DAPK1: variants seen among roughly 807,000 people sequenced by gnomAD.
DAPK1 encodes death-associated protein kinase 1.
In DAPK1, 56 loss-of-function variants were observed where a neutral mutation model predicts 144.9. The observed-to-expected ratio is 0.39, with a 90% CI of 0.31 to 0.48. The LOEUF is 0.48. DAPK1 is among the 20% of genes least tolerant of loss of function. The pLI is 0.95. For missense variants in DAPK1, 1,454 were observed against 1,875.4 expected (o/e 0.78, Z 4.15); for synonymous variants, 690 against 749.0 (o/e 0.92, Z 1.29).
At chr9:87,650,812 G>A (rs1407017888) in intron 16 of DAPK1, among the ~76,000 whole-genome samples, 1 of 152,158 alleles carries the variant, frequency 6.6e-6, no homozygotes, top group African/African-American at 2.4e-5. Context: ...CTGGCATCTC[G>A]TCGATCCCAG....
intron 25 of DAPK1, 139 bp from the exon 26 acceptor site, chr9:87,705,993 C>T (rs2378755): frequency 0.11 from 65,502 of 602,654 alleles, 6,822 homozygotes; most frequent in African/African-American, 0.41. Context: ...GACGCATCCA[C>T]GTGGAATGGC....
intron 3 of DAPK1, among the ~76,000 whole-genome samples, chr9:87,629,634 C>T (rs548216293): frequency 2.0e-4 from 30 of 152,086 alleles, no homozygotes; most frequent in Non-Finnish European, 3.1e-4. Context: ...CTTGGCCTCC[C>T]GAAGTGTTGG....
intron 2 of DAPK1, among the ~76,000 whole-genome samples, chr9:87,540,531 T>C (rs1405334496): frequency 6.6e-6 from 1 of 152,140 alleles, no homozygotes; most frequent in Non-Finnish European, 1.5e-5. Context: ...TAAATTAAAC[T>C]TCATCACAGG....
At chr9:87,645,366 C>T (rs1449516480) in intron 11 of DAPK1, among the ~76,000 whole-genome samples, 4 of 152,098 alleles carry the variant, frequency 2.6e-5, no homozygotes, top group Non-Finnish European at 5.9e-5. Context: ...TTGGGACCAG[C>T]TTTCAGAGAT....
chr9:87,513,758 G>A (rs1050012355), intron 2 of DAPK1, among the ~76,000 whole-genome samples: 8 of 152,172 alleles, frequency 5.3e-5, no homozygotes, highest in Non-Finnish European at 7.3e-5. Flanking sequence ...CACTGTCTTG[G>A]AAGGGAAGTT....
At chr9:87,675,518 C>A (rs1225494842) in intron 19 of DAPK1, among the ~76,000 whole-genome samples, 1 of 152,074 alleles carries the variant, frequency 6.6e-6, no homozygotes, top group Non-Finnish European at 1.5e-5. Context: ...CAATGCCCGA[C>A]ATGACCCGAG....
At chr9:87,597,532 C>T (rs1828361455) in intron 2 of DAPK1, among the ~76,000 whole-genome samples, 1 of 152,098 alleles carries the variant, frequency 6.6e-6, no homozygotes, top group African/African-American at 2.4e-5. Context: ...CTGAGAAGTT[C>T]ACGAAGCTTA....
intron 3 of DAPK1, among the ~76,000 whole-genome samples, chr9:87,609,172 T>A (rs1057307511): frequency 2.0e-5 from 3 of 152,212 alleles, no homozygotes. Flanking sequence ...GGACTTAAAC[T>A]GAAGCATCAG....
intron 3 of DAPK1, 118 bp downstream of exon 3, chr9:87,605,293 G>A (rs1361372126): frequency 1.1e-5 from 9 of 801,312 alleles, no homozygotes; most frequent in Non-Finnish European, 1.8e-5. Context: ...TGGTTCTGCT[G>A]TATGAGGTGT....
intron 3 of DAPK1, among the ~76,000 whole-genome samples, chr9:87,623,916 A>G (rs1417872062): frequency 6.6e-6 from 1 of 152,028 alleles, no homozygotes; most frequent in East Asian, 1.9e-4. Context: ...AAGCAGCTTT[A>G]TTTTTTCTGA....
At chr9:87,581,334 A>G (rs1441972971) in intron 2 of DAPK1, among the ~76,000 whole-genome samples, 1 of 152,192 alleles carries the variant, frequency 6.6e-6, no homozygotes, top group East Asian at 1.9e-4. Context: ...ACATCCTGAT[A>G]TTAAGTAAAT....
At chr9:87,558,191 CA>C (rs1252201301) in intron 2 of DAPK1, among the ~76,000 whole-genome samples, 5 of 152,148 alleles carry the variant, frequency 3.3e-5, no homozygotes, top group African/African-American at 1.2e-4. Flanking sequence ...TGTCTGGTTT[CA>C]CATGGTGGTC....
chr9:87,559,290 GTAGGCTAGGGTAGGC>G (rs1826823708), intron 2 of DAPK1, among the ~76,000 whole-genome samples: 3 of 151,814 alleles, frequency 2.0e-5, no homozygotes, highest in Admixed American at 2.0e-4. Flanking sequence ...ATAGGCTAGG[GTAGGCTAGGGTAGGC>G]TAGGCTAGGG....
At position 87,606,692 on chromosome 9, in the gene DAPK1, C is replaced by CTCCT. The variant is rs147541170; in HGVS notation, c.284+1534_284+1537dup. 7.1e-5 allele frequency among the ~76,000 whole-genome samples: 6 copies of CTCCT among 84,834 alleles called. No individual in the cohort carries two copies. The South Asian group carries it at 2.9e-3, about 40-fold the overall frequency. The allele number at this position is 84,834 out of a possible 152,430, so 55.7% of individuals were successfully genotyped here. On this transcript the variant is annotated intron_variant, in intron 3 of 25. Coordinates refer to ENST00000408954, the MANE Select transcript of DAPK1 (RefSeq NM_004938.4). ...CCTCTCTCTCCCTGTCCCTCCCTCT[C>CTCCT]TCCTTCCTTCCTTCCTTCCTCCCTC...
At chr9:87,604,316 C>A (rs1828636207) in intron 2 of DAPK1, among the ~76,000 whole-genome samples, 1 of 152,146 alleles carries the variant, frequency 6.6e-6, no homozygotes, top group South Asian at 2.1e-4. Context: ...TCCGTATTTA[C>A]AGTTGGGGGT....
At chr9:87,567,433 C>A (rs533656069) in intron 2 of DAPK1, among the ~76,000 whole-genome samples, 12 of 152,242 alleles carry the variant, frequency 7.9e-5, no homozygotes, top group African/African-American at 2.9e-4. Context: ...AAATAAGTGA[C>A]TGTCTTCACC....
intron 2 of DAPK1, among the ~76,000 whole-genome samples, chr9:87,590,291 T>G (rs938422463): frequency 6.6e-6 from 1 of 151,602 alleles, no homozygotes; most frequent in African/African-American, 2.4e-5. Context: ...TCTTTTATTA[T>G]CTCTTTTCTT....
intron 2 of DAPK1, among the ~76,000 whole-genome samples, chr9:87,568,145 G>C (rs1827199857): frequency 6.6e-6 from 1 of 152,240 alleles, no homozygotes; most frequent in Non-Finnish European, 1.5e-5. Context: ...CCAGGCATAA[G>C]GCACCGGGGA....
At chr9:87,606,038 G>A (rs1828702850) in intron 3 of DAPK1, among the ~76,000 whole-genome samples, 1 of 152,230 alleles carries the variant, frequency 6.6e-6, no homozygotes, top group African/African-American at 2.4e-5. Flanking sequence ...GGCTCGTAGT[G>A]ATGACAGGCT....
Sources: gnomAD v4.1 joint callset for allele counts (sites outside exome capture counted in the v4.1 genomes callset) on GRCh38, gnomAD v4.1.1 for gene constraint, MANE v1.5 for transcripts, NCBI Gene and HGNC (gene_info 2026-07-23, HGNC 2026-07-21) for gene names.